NECAB3: variants seen among roughly 807,000 people sequenced by gnomAD.
NECAB3 encodes N-terminal EF-hand calcium-binding protein 3.
A neutral mutation model predicts 57.2 loss-of-function variants in NECAB3; 38 were observed. The observed-to-expected ratio is 0.66, with a 90% CI of 0.51 to 0.87. The LOEUF (loss-of-function observed/expected upper bound fraction) is 0.87, where lower values mean the gene tolerates loss of function less well. Ranked by LOEUF, NECAB3 falls within the 40% of genes least tolerant of loss-of-function variation. The pLI, the probability that NECAB3 is intolerant of heterozygous loss-of-function variation, is 0.00. For missense variants in NECAB3, 474 were observed against 527.5 expected (o/e 0.90, Z 0.99); for synonymous variants, 223 against 222.6 (o/e 1.00, Z -0.02).
intron 5 of NECAB3, chr20:33,668,315 G>C: frequency 4.0e-6 from 6 of 1,512,712 alleles, no homozygotes; most frequent in Non-Finnish European, 4.4e-6. Flanking sequence ...GAGCTGGCAG[G>C]GTCCTCCTGG....
rs1032146221 is a variant in NECAB3, at chr20:33,660,930, G to A, written c.388-535C>T. 2.0e-5 allele frequency among the ~76,000 whole-genome samples: 3 copies of A among 152,024 alleles called. No homozygotes were observed. The highest frequency in any genetic ancestry group is 2.9e-5 in the Non-Finnish European group (2 of 67,998). On this transcript the variant is annotated intron_variant, in intron 5 of 11. Coordinates refer to ENST00000246190, the MANE Select transcript of NECAB3 (RefSeq NM_031232.4). This position sits in a 1 kb window ranked among gnomAD's most constrained non-coding sequence, Gnocchi z 4.1. ...CCATTCTCACTCAGACACACACGCC[G>A]GCACTGACCCCAACCGACACTGCCA...
intron 4 of NECAB3, 35 bp downstream of exon 4, chr20:33,669,652 C>T: frequency 1.3e-6 from 2 of 1,571,186 alleles, no homozygotes; most frequent in South Asian, 2.4e-5. Flanking sequence ...GGCCCAGGGG[C>T]CACAGGAGAA....
Position 33,660,458 on chromosome 20 carries a change from C to A in NECAB3, c.388-63G>T. ...CGGGCACTGATCTCTTGAGTGGGTC[C>A]CCTGCCTCTTGCCCATCAGAGCAGC... On this transcript the variant is annotated intron_variant, in intron 5 of 11. Coordinates refer to ENST00000246190, the MANE Select transcript of NECAB3 (RefSeq NM_031232.4). The surrounding 1 kb of genome is among the most constrained non-coding windows in gnomAD (Gnocchi z 4.1). 6.3e-7 allele frequency: 1 copy of A among 1,585,974 alleles called. No individual in the cohort carries two copies. The highest frequency in any genetic ancestry group is 1.1e-5 in the South Asian group (1 of 89,052).
chr20:33,663,276 A>G (rs557153380), intron 5 of NECAB3: 2 of 546,690 alleles, frequency 3.7e-6, no homozygotes, highest in African/African-American at 2.0e-5. Context: ...AGCTGGTCTC[A>G]GGAAGTCAGC....
intron 3 of NECAB3, chr20:33,670,454 G>A (rs2017806093): frequency 2.3e-6 from 1 of 442,036 alleles, no homozygotes; most frequent in South Asian, 4.0e-5. Flanking sequence ...GCTGAGCCAT[G>A]GGTGGTGACT....
Position 33,658,838 on chromosome 20 carries a change from G to C in NECAB3, c.880-4C>G. The stretch of plus-strand genomic sequence containing the variant: ...GCCTCTGGGCCATGAGGATGTGCTG[G>C]TGGGAGAGGCAGCCGGTCAGCTGGT... On this transcript the variant is annotated splice_polypyrimidine_tract_variant and splice_region_variant and intron_variant, in intron 8 of 11. Coordinates refer to ENST00000246190, the MANE Select transcript of NECAB3 (RefSeq NM_031232.4). The C allele has an allele frequency of 1.9e-6, 3 of 1,611,666 alleles. No homozygotes were observed. The highest frequency in any genetic ancestry group is 2.5e-6 in the Non-Finnish European group (3 of 1,178,750).
At chr20:33,668,894 T>C (rs1055263023) in intron 5 of NECAB3, among the ~76,000 whole-genome samples, 23 of 152,364 alleles carry the variant, frequency 1.5e-4, no homozygotes, top group African/African-American at 5.1e-4. Flanking sequence ...AGCTTGTGTA[T>C]ACACGTGTCC....
At chr20:33,668,238 C>A in intron 5 of NECAB3, 1 of 1,575,070 alleles carries the variant, frequency 6.3e-7, no homozygotes, top group South Asian at 1.2e-5. Flanking sequence ...TCAACTGAGT[C>A]AGGCTGGACT....
chr20:33,670,486 C>G (rs986930010), intron 3 of NECAB3, 198 bp downstream of exon 3: 1 of 456,752 alleles, frequency 2.2e-6, no homozygotes, highest in Non-Finnish European at 3.9e-6. Context: ...ATTTTGGGGT[C>G]CCAGCTGGAA....
chr20:33,667,928 C>T, intron 5 of NECAB3: 1 of 1,560,314 alleles, frequency 6.4e-7, no homozygotes, highest in East Asian at 2.4e-5. Flanking sequence ...CCCGCGCTGG[C>T]CTTCCGGGCG....
chr20:33,657,711 C>T lies in NECAB3; in HGVS notation c.*118G>A. ...CTGATCCCTGGGCTGAGAGCCCTTC[C>T]ACCAGGCCCAAGTCCAGGAGGAGAC... On this transcript the variant is annotated 3_prime_UTR_variant, in exon 12 of 12. Transcript: ENST00000246190. 1 of 1,097,068 alleles carries T rather than the reference C, an allele frequency of 9.1e-7. No individual in the cohort carries two copies. Among genetic ancestry groups the T allele is most frequent in the Non-Finnish European group, 1.3e-6 (1 of 786,252 alleles). The allele number at this position is 1,097,068 out of a possible 1,614,324, so 68.0% of individuals were successfully genotyped here. A position where few individuals can be genotyped will look rare whatever the true frequency, so the allele number is the denominator to read the frequency against.
At chr20:33,668,344 T>C in intron 5 of NECAB3, 1 of 1,469,560 alleles carries the variant, frequency 6.8e-7, no homozygotes, top group Non-Finnish European at 9.1e-7. Context: ...GCTGACTGGA[T>C]GGGTCACCCC....
At position 33,660,647 on chromosome 20, in the gene NECAB3, G is replaced by A. The variant is rs1014233239; in HGVS notation, c.388-252C>T. ...GGGCATCTGCCCAGCGAAGTGCCTG[G>A]CCTCTCTGGACCTCATGGCCCCTTC... On this transcript the variant is annotated intron_variant, in intron 5 of 11. Coordinates refer to ENST00000246190, the MANE Select transcript of NECAB3 (RefSeq NM_031232.4). This position sits in a 1 kb window ranked among gnomAD's most constrained non-coding sequence, Gnocchi z 4.1. 6.6e-6 allele frequency among the ~76,000 whole-genome samples: 1 copy of A among 152,140 alleles called. No homozygotes were observed.
Position 33,671,735 on chromosome 20 carries a change from A to T in NECAB3, c.154+663T>A, listed in dbSNP as rs542169128. On this transcript the variant is annotated intron_variant, in intron 2 of 11. Coordinates refer to ENST00000246190, the MANE Select transcript of NECAB3 (RefSeq NM_031232.4). The stretch of plus-strand genomic sequence containing the variant: ...CTGCTTTAGCTTCCAAGTTTCTCCC[A>T]GACCAGGGTCTGAGACTGCCCAGGA... 3.3e-5 allele frequency among the ~76,000 whole-genome samples: 5 copies of T among 152,280 alleles called. No individual in the cohort carries two copies. The South Asian group carries it at 1.0e-3, about 32-fold the overall frequency.
At chr20:33,672,308 G>T in intron 2 of NECAB3, 90 bp downstream of exon 2, 2 of 1,511,320 alleles carry the variant, frequency 1.3e-6, no homozygotes, top group African/African-American at 1.4e-5. Context: ...CTCAACTCTT[G>T]ACTTCCCACC....
chr20:33,669,296 A>G (rs2017773922), intron 5 of NECAB3, 79 bp downstream of exon 5: 1 of 1,460,030 alleles, frequency 6.8e-7, no homozygotes, highest in Admixed American at 1.7e-5. Flanking sequence ...ACCCTGAGTC[A>G]AGACTGTGGA....
At chr20:33,667,320 C>T in intron 5 of NECAB3, 3 of 794,296 alleles carry the variant, frequency 3.8e-6, no homozygotes, top group Middle Eastern at 4.0e-4. Context: ...TCAAGCACGG[C>T]GTGGTGGCGG....
chr20:33,668,358 AC>A (rs1241673444), intron 5 of NECAB3: 1 of 1,363,020 alleles, frequency 7.3e-7, no homozygotes, highest in East Asian at 2.5e-5. Flanking sequence ...TCACCCCCAT[AC>A]CCTTTCTGGG....
intron 5 of NECAB3, chr20:33,667,644 C>G (rs754714968): frequency 6.2e-7 from 1 of 1,607,046 alleles, no homozygotes; most frequent in South Asian, 1.1e-5. Context: ...ACGTGGCAGG[C>G]AGCACCCTGT....
Sources: gnomAD v4.1 joint callset for allele counts (sites outside exome capture counted in the v4.1 genomes callset) on GRCh38, gnomAD v4.1.1 for gene constraint, Gnocchi (gnomAD v3.1) non-coding constraint, MANE v1.5 for transcripts, NCBI Gene and HGNC (gene_info 2026-07-23, HGNC 2026-07-21) for gene names.